ACYP2: variants seen among roughly 807,000 people sequenced by gnomAD.
ACYP2 encodes the protein acylphosphatase 2.
Under a neutral mutation model 11.2 loss-of-function variants are expected in ACYP2, and 12 were observed. The ratio of observed to expected loss-of-function variants is 1.08; its 90% CI spans 0.69 to 1.74. The LOEUF is 1.74. ACYP2 is among the 40% of genes most tolerant of loss of function. ACYP2 has a pLI of 0.00. For missense variants in ACYP2, 134 were observed against 101.9 expected (o/e 1.31, Z -1.35); for synonymous variants, 43 against 32.2 (o/e 1.33, Z -1.13).
chr2:54,275,094 C>T (rs1375867119), intron 6 of ACYP2, among the ~76,000 whole-genome samples: 2 of 152,192 alleles, frequency 1.3e-5, no homozygotes, highest in Non-Finnish European at 2.9e-5. Context: ...CTCCTTGCCT[C>T]AATAACTTTG....
chr2:54,100,480 A>AT lies in ACYP2; in HGVS notation c.278-34962dup, dbSNP rs765168651. Among the ~76,000 whole-genome samples, 828 of 145,964 alleles carry AT rather than the reference A, an allele frequency of 5.7e-3. 3 individuals are homozygous for AT. The highest frequency in any genetic ancestry group is 0.014 in the Middle Eastern group (4 of 284). On this transcript the variant is annotated intron_variant, in intron 4 of 6. Transcript: ENST00000607452. ...ACCACACCTGGCTAATTAAAAAAAGATTTTTTTTTTTAGAGATATGGTCTC... is the reference window on the plus strand; with the variant it reads ...ACCACACCTGGCTAATTAAAAAAAGATTTTTTTTTTTTAGAGATATGGTCTC...
chr2:54,004,891 T>C (rs1279457577), intron 2 of ACYP2, among the ~76,000 whole-genome samples: 2 of 93,110 alleles, frequency 2.1e-5, no homozygotes, highest in African/African-American at 9.4e-5. Context: ...CAAGACTCTG[T>C]CTCAAAAAAA....
At chr2:54,248,085 G>A (rs1687044643) in intron 6 of ACYP2, among the ~76,000 whole-genome samples, 1 of 152,290 alleles carries the variant, frequency 6.6e-6, no homozygotes, top group South Asian at 2.1e-4. Flanking sequence ...AAGAATAAAT[G>A]TTGCAGTTTG....
chr2:54,013,680 GTTTA>G (rs1673520939), intron 2 of ACYP2, among the ~76,000 whole-genome samples: 1 of 149,736 alleles, frequency 6.7e-6, no homozygotes, highest in Non-Finnish European at 1.5e-5. Context: ...TCTATGACGA[GTTTA>G]TTTAACAGTT....
intron 6 of ACYP2, among the ~76,000 whole-genome samples, chr2:54,174,471 T>C (rs369621476): frequency 6.6e-6 from 1 of 152,000 alleles, no homozygotes; most frequent in Non-Finnish European, 1.5e-5. Flanking sequence ...CATCTGCAAA[T>C]AGGGACAATT....
intron 6 of ACYP2, among the ~76,000 whole-genome samples, chr2:54,166,350 C>G (rs1168283612): frequency 2.0e-5 from 3 of 152,162 alleles, no homozygotes; most frequent in Non-Finnish European, 4.4e-5. Flanking sequence ...ATGAGTAATA[C>G]AGTCTCTGCC....
At chr2:54,035,817 C>T (rs1203780386) in intron 2 of ACYP2, among the ~76,000 whole-genome samples, 2 of 152,054 alleles carry the variant, frequency 1.3e-5, no homozygotes, top group Non-Finnish European at 2.9e-5. Flanking sequence ...TGGAGAAGTA[C>T]CTTCTAAGGA....
intron 6 of ACYP2, among the ~76,000 whole-genome samples, chr2:54,248,244 C>G (rs1389026550): frequency 6.6e-6 from 1 of 152,188 alleles, no homozygotes; most frequent in African/African-American, 2.4e-5. Context: ...TCCATTAACA[C>G]TTATCTAGAA....
intron 2 of ACYP2, among the ~76,000 whole-genome samples, chr2:53,985,140 G>A (rs68100433): frequency 0.21 from 30,532 of 147,818 alleles, 3,248 homozygotes; most frequent in African/African-American, 0.29. Flanking sequence ...CGCAATTTCC[G>A]CTCACTGCAA....
In ACYP2 at chr2:54,115,681, A is replaced by T. The variant is rs1391486780; in HGVS notation, c.278-19772A>T. The T allele has an allele frequency of 6.2e-7, 1 of 1,609,296 alleles. No homozygotes were observed. The highest frequency in any genetic ancestry group is 8.5e-7 in the Non-Finnish European group (1 of 1,178,068). ...CCGAGCCCCTCTCCGGCTCCTCAAC[A>T]GAGGGCTCGCCGCCGCCATGTCTAC... On this transcript the variant is annotated intron_variant, in intron 4 of 6. The change creates a premature stop within an existing upstream ORF in the 5' untranslated region. Transcript: ENST00000607452.
At chr2:54,109,738 A>C (rs948348599) in intron 4 of ACYP2, among the ~76,000 whole-genome samples, 4 of 152,154 alleles carry the variant, frequency 2.6e-5, no homozygotes, top group African/African-American at 9.7e-5. Flanking sequence ...TGATTAAAAA[A>C]ATTATTGTGA....
chr2:54,232,817 A>G (rs1253889375), intron 6 of ACYP2, among the ~76,000 whole-genome samples: 1 of 152,084 alleles, frequency 6.6e-6, no homozygotes, highest in African/African-American at 2.4e-5. Context: ...CTCATTTACT[A>G]TCACAGGAAC....
chr2:54,006,564 C>G (rs1029665006), intron 2 of ACYP2, among the ~76,000 whole-genome samples: 1 of 152,186 alleles, frequency 6.6e-6, no homozygotes, highest in African/African-American at 2.4e-5. Context: ...GCTGAGATTA[C>G]AAGTGTGAGC....
chr2:54,078,424 C>CATAT (rs55705974), intron 4 of ACYP2, among the ~76,000 whole-genome samples: 49,943 of 138,392 alleles, frequency 0.36, 8,892 homozygotes, highest in East Asian at 0.64. Context: ...ATATGGTACG[C>CATAT]ATATATATAT....
At chr2:54,237,993 T>C (rs1340073066) in intron 6 of ACYP2, among the ~76,000 whole-genome samples, 2 of 152,150 alleles carry the variant, frequency 1.3e-5, no homozygotes, top group African/African-American at 4.8e-5. Flanking sequence ...CAAGCATGCT[T>C]CTTACTCCTA....
intron 6 of ACYP2, chr2:54,254,975 G>A (rs763659704): frequency 6.2e-6 from 10 of 1,613,812 alleles, no homozygotes; most frequent in Middle Eastern, 1.7e-4. Flanking sequence ...CTTACCAGGC[G>A]ACGTCTAGCT....
chr2:54,254,977 C>A (rs757162814), intron 6 of ACYP2: 1 of 1,613,974 alleles, frequency 6.2e-7, no homozygotes, highest in Non-Finnish European at 8.5e-7. Flanking sequence ...TACCAGGCGA[C>A]GTCTAGCTCT....
chr2:53,993,590 G>A (rs995070777), intron 2 of ACYP2, among the ~76,000 whole-genome samples: 15 of 151,724 alleles, frequency 9.9e-5, no homozygotes, highest in African/African-American at 1.5e-4. Context: ...TCAGCTCCTC[G>A]GGAGGCTGAG....
At chr2:53,976,816 G>A (rs953486475) in intron 2 of ACYP2, among the ~76,000 whole-genome samples, 5 of 152,246 alleles carry the variant, frequency 3.3e-5, no homozygotes, top group Admixed American at 3.3e-4. Context: ...CTAAAGGAAT[G>A]AATTTTTCTC....
Sources: allele counts gnomAD v4.1 joint callset (sites outside exome capture counted in the v4.1 genomes callset), GRCh38; gene constraint gnomAD v4.1.1; transcripts MANE v1.5; gene names NCBI Gene and HGNC (gene_info 2026-07-23, HGNC 2026-07-21).